DOCK4: variants seen among roughly 807,000 people sequenced by gnomAD.
DOCK4 encodes dedicator of cytokinesis protein 4.
Under a neutral mutation model 268.1 loss-of-function variants are expected in DOCK4, and 97 were observed. The observed-to-expected ratio is 0.36, with a 90% CI of 0.31 to 0.43. The LOEUF is 0.43. Among genes scored for constraint, DOCK4 ranks in the 20% least tolerant of loss-of-function variants. The probability of loss-of-function intolerance (pLI) is 1.00; values close to 1 mark genes in which losing one functional copy is unlikely to be tolerated. For synonymous variants in DOCK4, 954 were observed against 887.2 expected, an observed-to-expected ratio of 1.08 and a Z score of -1.34; for missense variants, 2,145 against 2,455.7, an observed-to-expected ratio of 0.87 and a Z score of 2.67.
At chr7:112,059,204 A>T (rs1333810807) in intron 1 of DOCK4, among the ~76,000 whole-genome samples, 1 of 128,212 alleles carries the variant, frequency 7.8e-6, no homozygotes, top group African/African-American at 3.3e-5. Context: ...GTGCAGTGGC[A>T]CGATCTCAGC....
chr7:112,152,732 T>C (rs1816219535), intron 1 of DOCK4, among the ~76,000 whole-genome samples: 1 of 152,134 alleles, frequency 6.6e-6, no homozygotes, highest in South Asian at 2.1e-4. Flanking sequence ...GTAATCCTCC[T>C]GCCTCAGCCT....
At chr7:111,792,539 C>G (rs556005407) in intron 30 of DOCK4, among the ~76,000 whole-genome samples, 27 of 152,104 alleles carry the variant, frequency 1.8e-4, no homozygotes, top group Non-Finnish European at 3.4e-4. Flanking sequence ...CGCACCACCA[C>G]GCCCAGCTAA....
intron 1 of DOCK4, among the ~76,000 whole-genome samples, chr7:112,007,026 G>A (rs1235750339): frequency 6.6e-6 from 1 of 152,102 alleles, no homozygotes; most frequent in Non-Finnish European, 1.5e-5. Flanking sequence ...CTCCTACACT[G>A]GGAAATGCAA....
At position 111,881,186 on chromosome 7, in the gene DOCK4, T is replaced by C. The variant is rs115000890; in HGVS notation, c.1588-4000A>G. ...TGCAAACTACCTATTTGATGAGGGA[T>C]TAATAACAGAATATATAAAGAGCTC... On this transcript the variant is annotated intron_variant, in intron 16 of 52. Coordinates refer to ENST00000428084, the MANE Select transcript of DOCK4 (RefSeq NM_001363540.2). 8.3e-3 allele frequency among the ~76,000 whole-genome samples: 1,259 copies of C among 152,246 alleles called. 21 individuals carry two copies. The highest frequency in any genetic ancestry group is 0.029 in the African/African-American group (1,215 of 41,534).
intron 29 of DOCK4, among the ~76,000 whole-genome samples, 164 bp downstream of exon 29, chr7:111,809,137 T>A (rs906032796): frequency 6.6e-6 from 1 of 152,222 alleles, no homozygotes; most frequent in African/African-American, 2.4e-5. Context: ...TGTGCAAACA[T>A]GTTTGAAATA....
At chr7:111,995,974 A>G (rs1799924808) in intron 4 of DOCK4, among the ~76,000 whole-genome samples, 1 of 152,256 alleles carries the variant, frequency 6.6e-6, no homozygotes, top group South Asian at 2.1e-4. Context: ...AAATGGTGGT[A>G]CATTTATTTT....
chr7:112,091,659 ACCAGC>A (rs919603405), intron 1 of DOCK4, among the ~76,000 whole-genome samples: 2 of 152,156 alleles, frequency 1.3e-5, no homozygotes, highest in Admixed American at 6.5e-5. Context: ...AATTCAAGAT[ACCAGC>A]CCTGAAAAGA....
chr7:112,149,387 C>G (rs17567105), intron 1 of DOCK4, among the ~76,000 whole-genome samples: 12,438 of 152,132 alleles, frequency 0.082, 690 homozygotes, highest in South Asian at 0.16. Flanking sequence ...AGTACAGATT[C>G]TGAGCACACG....
intron 16 of DOCK4, among the ~76,000 whole-genome samples, chr7:111,894,376 T>C (rs1808555060): frequency 6.6e-6 from 1 of 152,202 alleles, no homozygotes; most frequent in African/African-American, 2.4e-5. Context: ...TCCCTTTACA[T>C]AGCTGTTGTT....
intron 8 of DOCK4, chr7:111,976,900 C>A (rs564647324): frequency 1.6e-5 from 6 of 371,062 alleles, no homozygotes; most frequent in African/African-American, 8.2e-5. Flanking sequence ...CATTTAATAT[C>A]AATTATTCTG....
intron 7 of DOCK4, among the ~76,000 whole-genome samples, chr7:111,981,244 G>A (rs1385633399): frequency 1.3e-5 from 2 of 152,136 alleles, no homozygotes; most frequent in East Asian, 1.9e-4. Flanking sequence ...ACAATAAATT[G>A]CCAAACAACA....
intron 1 of DOCK4, among the ~76,000 whole-genome samples, chr7:112,147,353 G>C (rs1225639269): frequency 3.9e-5 from 6 of 152,084 alleles, no homozygotes; most frequent in African/African-American, 1.4e-4. Context: ...TACCAGAATA[G>C]ACAATTTTTT....
In DOCK4 at chr7:111,900,760, G is replaced by A. The variant is rs370621366; in HGVS notation, c.1318-224C>T. ...GATTTACTGTGCCAAGGGTAGACCC[G>A]GGTGACACGTGGGAGATGGACGATT... On this transcript the variant is annotated intron_variant, in intron 14 of 52. Transcript: ENST00000428084. 1.1e-4 allele frequency among the ~76,000 whole-genome samples: 17 copies of A among 152,276 alleles called. No individual in the cohort carries two copies. The South Asian group carries it at 2.1e-3, about 19-fold the overall frequency.
chr7:111,736,311 C>T (rs759818396), intron 50 of DOCK4, among the ~76,000 whole-genome samples: 2 of 152,134 alleles, frequency 1.3e-5, no homozygotes, highest in African/African-American at 2.4e-5. Context: ...GCCCCGACCC[C>T]GTAGCTGAGG....
At chr7:112,042,581 T>C (rs988435516) in intron 1 of DOCK4, among the ~76,000 whole-genome samples, 1 of 152,200 alleles carries the variant, frequency 6.6e-6, no homozygotes, top group Non-Finnish European at 1.5e-5. Flanking sequence ...AAAAAAATGG[T>C]ATTTAGTTGA....
chr7:112,073,706 T>C (rs774165791), intron 1 of DOCK4, among the ~76,000 whole-genome samples: 2 of 151,952 alleles, frequency 1.3e-5, no homozygotes, highest in Non-Finnish European at 2.9e-5. Context: ...TAAAAATAAT[T>C]TTGAACACAT....
intron 14 of DOCK4, 138 bp downstream of exon 14, chr7:111,901,539 A>C: frequency 1.2e-6 from 1 of 850,872 alleles, no homozygotes; most frequent in Non-Finnish European, 1.7e-6. Context: ...ACAGGGGTGA[A>C]GGAGAAAAAT....
chr7:112,206,023 AG>A, intron 1 of DOCK4, 78 bp downstream of exon 1: 1 of 1,478,338 alleles, frequency 6.8e-7, no homozygotes, highest in East Asian at 2.5e-5. Flanking sequence ...GCGGAGCGAG[AG>A]GGGCGCGGGG....
chr7:112,030,759 T>C (rs1035747750), intron 1 of DOCK4, among the ~76,000 whole-genome samples: 1 of 152,166 alleles, frequency 6.6e-6, no homozygotes, highest in African/African-American at 2.4e-5. Context: ...GCTCTGATGA[T>C]ACAATGAACT....
Sources: gnomAD v4.1 joint callset for allele counts (sites outside exome capture counted in the v4.1 genomes callset) on GRCh38, gnomAD v4.1.1 for gene constraint, MANE v1.5 for transcripts, NCBI Gene and HGNC (gene_info 2026-07-23, HGNC 2026-07-21) for gene names.